PRKAR1B: variants seen among roughly 807,000 people sequenced by gnomAD.
The protein encoded by PRKAR1B is cAMP-dependent protein kinase type I-beta regulatory subunit.
In PRKAR1B, 22 loss-of-function variants were observed where a neutral mutation model predicts 46.5. The ratio of observed to expected loss-of-function variants is 0.47; its 90% confidence interval spans 0.34 to 0.68. The LOEUF is 0.68. PRKAR1B is among the 30% of genes least tolerant of loss of function. The pLI is 0.01. For synonymous variants in PRKAR1B, 259 were observed against 217.7 expected (o/e 1.19, Z -1.67); for missense variants, 445 against 535.6 (o/e 0.83, Z 1.67).
chr7:577,108 G>A (rs150365400), intron 9 of PRKAR1B, among the ~76,000 whole-genome samples: 242 of 149,982 alleles, frequency 1.6e-3, no homozygotes, highest in Middle Eastern at 3.5e-3. Flanking sequence ...CAACGGCCTC[G>A]TCCAACGCCA....
At chr7:571,599 T>G (rs576185344) in intron 9 of PRKAR1B, among the ~76,000 whole-genome samples, 1 of 152,332 alleles carries the variant, frequency 6.6e-6, no homozygotes, top group Admixed American at 6.5e-5. Flanking sequence ...CCCAGGCCGC[T>G]GCCGCCCCGT....
chr7:685,273 T>C lies in PRKAR1B; in HGVS notation c.178-4547A>G, dbSNP rs1168528087. ...CGTTTTATATATACATATATACGTA[T>C]ATATACGTATATATATGTATACATA... On this transcript the variant is annotated intron_variant, in intron 2 of 10. Transcript: ENST00000537384. Among the ~76,000 whole-genome samples, 4 of 32,952 alleles carry C rather than the reference T, an allele frequency of 1.2e-4. 1 individual carries two copies. The highest frequency in any genetic ancestry group is 1.8e-4 in the Non-Finnish European group (3 of 16,276). 21.6% of individuals were successfully genotyped at this position (32,952 alleles called of 152,430 possible). A position where few individuals can be genotyped will look rare whatever the true frequency, so the allele number is the denominator to read the frequency against.
At chr7:583,091 C>T (rs1414938197) in intron 8 of PRKAR1B, among the ~76,000 whole-genome samples, 5 of 151,826 alleles carry the variant, frequency 3.3e-5, no homozygotes, top group African/African-American at 1.2e-4. Flanking sequence ...CTCACAGGGA[C>T]GGGGCTCTGT....
chr7:616,895 C>T (rs148482367), intron 4 of PRKAR1B, among the ~76,000 whole-genome samples: 52 of 152,032 alleles, frequency 3.4e-4, no homozygotes, highest in African/African-American at 1.2e-3. Flanking sequence ...TCCATCCAAT[C>T]AAAACAGCCA....
intron 2 of PRKAR1B, among the ~76,000 whole-genome samples, chr7:708,630 G>A (rs747083460): frequency 1.3e-5 from 2 of 152,074 alleles, no homozygotes; most frequent in African/African-American, 4.8e-5. Context: ...GGGATTACAG[G>A]CACATGCCAC....
chr7:657,693 A>T (rs1785287599), intron 4 of PRKAR1B, among the ~76,000 whole-genome samples: 1 of 152,210 alleles, frequency 6.6e-6, no homozygotes, highest in Non-Finnish European at 1.5e-5. Flanking sequence ...CCTGGGAGTC[A>T]AAGCACATCT....
chr7:635,678 G>A (rs768898268), intron 4 of PRKAR1B, among the ~76,000 whole-genome samples: 115 of 152,276 alleles, frequency 7.6e-4, no homozygotes, highest in Non-Finnish European at 1.3e-3. Flanking sequence ...CCTCCATGAT[G>A]GCTGCAGGAC....
intron 1 of PRKAR1B, among the ~76,000 whole-genome samples, chr7:718,463 TCTC>T (rs1197537861): frequency 4.1e-4 from 62 of 151,608 alleles, no homozygotes; most frequent in African/African-American, 1.1e-3. Flanking sequence ...TTCAAGCAAT[TCTC>T]CTGCCTCAGC....
intron 9 of PRKAR1B, among the ~76,000 whole-genome samples, chr7:555,051 C>T (rs550289638): frequency 5.9e-5 from 9 of 152,346 alleles, no homozygotes; most frequent in African/African-American, 1.7e-4. Flanking sequence ...AGCAGAAAGA[C>T]AGAACCTACC....
chr7:554,613 C>G (rs996524391), intron 9 of PRKAR1B, among the ~76,000 whole-genome samples: 13 of 151,246 alleles, frequency 8.6e-5, no homozygotes, highest in African/African-American at 3.2e-4. Context: ...GGCCACGGAT[C>G]CCACAGAGCC....
chr7:597,450 C>T (rs866961103), intron 6 of PRKAR1B, among the ~76,000 whole-genome samples: 1 of 152,152 alleles, frequency 6.6e-6, no homozygotes, highest in Non-Finnish European at 1.5e-5. Context: ...CTCCACCTGG[C>T]CCACCAGGCT....
At chr7:562,651 C>T (rs1177635405) in intron 9 of PRKAR1B, among the ~76,000 whole-genome samples, 1 of 152,250 alleles carries the variant, frequency 6.6e-6, no homozygotes, top group Non-Finnish European at 1.5e-5. Context: ...TGCCTGGTCA[C>T]ACCAGGTTCC....
At chr7:657,132 G>GATGAATGA (rs567587596) in intron 4 of PRKAR1B, among the ~76,000 whole-genome samples, 1 of 151,636 alleles carries the variant, frequency 6.6e-6, no homozygotes, top group African/African-American at 2.4e-5. Context: ...TGGATAGATG[G>GATGAATGA]ATGAATGAAT....
At chr7:617,917 C>T (rs1782922969) in intron 4 of PRKAR1B, among the ~76,000 whole-genome samples, 1 of 152,184 alleles carries the variant, frequency 6.6e-6, no homozygotes. Flanking sequence ...TGCACAGACA[C>T]CTCCAGTTTC....
At chr7:616,364 C>A (rs937297876) in intron 4 of PRKAR1B, among the ~76,000 whole-genome samples, 20 of 152,368 alleles carry the variant, frequency 1.3e-4, no homozygotes, top group African/African-American at 3.6e-4. Flanking sequence ...AGTCACGCTT[C>A]CACCTCTGGC....
At chr7:698,032 GGGGAGGGGAGGGAAGGGAAGGGAA>G (rs1222530378) in intron 2 of PRKAR1B, among the ~76,000 whole-genome samples, 3 of 69,806 alleles carry the variant, frequency 4.3e-5, no homozygotes, top group African/African-American at 1.3e-4. Flanking sequence ...GCGGAGGGGA[GGGGAGGGGAGGGAAGGGAAGGGAA>G]GGGAGGGGAG....
At chr7:570,516 T>TC (rs975302883) in intron 9 of PRKAR1B, among the ~76,000 whole-genome samples, 4 of 151,328 alleles carry the variant, frequency 2.6e-5, no homozygotes, top group African/African-American at 7.3e-5. Context: ...TCAATACCCG[T>TC]CCCCCCACTG....
At chr7:682,129 C>T (rs1778719186) in intron 2 of PRKAR1B, among the ~76,000 whole-genome samples, 2 of 152,110 alleles carry the variant, frequency 1.3e-5, no homozygotes, top group African/African-American at 2.4e-5. Context: ...CCTGGAGAGC[C>T]CAGGAGCTCA....
intron 9 of PRKAR1B, among the ~76,000 whole-genome samples, chr7:563,580 G>A (rs943754774): frequency 6.6e-6 from 1 of 151,568 alleles, no homozygotes; most frequent in African/African-American, 2.4e-5. Context: ...GTGCACAGGT[G>A]TGTGTATGGG....
Sources: gnomAD v4.1 joint callset for allele counts (sites outside exome capture counted in the v4.1 genomes callset) on GRCh38, gnomAD v4.1.1 for gene constraint, MANE v1.5 for transcripts, NCBI Gene and HGNC (gene_info 2026-07-23, HGNC 2026-07-21) for gene names.